TBC1D9: variants seen among roughly 807,000 people sequenced by gnomAD.
TBC1D9 encodes TBC1 domain family member 9A.
In TBC1D9, 63 loss-of-function variants were observed where a neutral mutation model predicts 132.0. The ratio of observed to expected loss-of-function variants is 0.48; its 90% CI spans 0.39 to 0.59. TBC1D9 has a LOEUF of 0.59. Among genes scored for constraint, TBC1D9 ranks in the 20% least tolerant of loss-of-function variants. The pLI, the probability that TBC1D9 is intolerant of heterozygous loss-of-function variation, is 0.00. For synonymous variants in TBC1D9, 610 were observed against 609.9 expected (o/e 1.00, Z 0.00); for missense variants, 1,261 against 1,592.7 (o/e 0.79, Z 3.54).
intron 13 of TBC1D9, chr4:140,643,111 C>G: frequency 7.1e-7 from 1 of 1,405,928 alleles, no homozygotes; most frequent in Non-Finnish European, 9.8e-7. Context: ...GCCGCAGGTT[C>G]TTGAGCGGGT....
chr4:140,668,521 G>A (rs990444822), intron 9 of TBC1D9, among the ~76,000 whole-genome samples: 1 of 152,044 alleles, frequency 6.6e-6, no homozygotes, highest in Non-Finnish European at 1.5e-5. Context: ...TTCCCCACCC[G>A]ATGACTGCTC....
intron 2 of TBC1D9, among the ~76,000 whole-genome samples, chr4:140,697,166 C>T (rs1737972811): frequency 6.6e-6 from 1 of 152,034 alleles, no homozygotes; most frequent in Admixed American, 6.6e-5. Flanking sequence ...GGCTTGAGCA[C>T]AGGAGTTTGA....
rs1164263092 is a variant in TBC1D9 at position 140,679,118 on chromosome 4, T to C, written c.675A>G (p.Thr225=). ...CAGAGAAGAAATGCTCACTGGACCG[T>C]GTGCTCACTTTGATCACATCAGGCA... ...LLLPDVIKVS[T]RSSEHFFSVF... is the part of the protein sequence containing the mutation. The change falls in exon 5 of 21, where the codon ACA becomes ACG. Residue 225 remains threonine, a synonymous_variant. Coordinates refer to ENST00000442267, the MANE Select transcript of TBC1D9 (RefSeq NM_015130.3). 2 of 1,613,870 alleles carry C rather than the reference T, an allele frequency of 1.2e-6. No individual in the cohort carries two copies. The highest frequency in any genetic ancestry group is 1.3e-5 in the African/African-American group (1 of 74,938).
chr4:140,624,582 G>T (rs547327025), intron 18 of TBC1D9, among the ~76,000 whole-genome samples, 194 bp from the exon 19 acceptor site: 75 of 152,134 alleles, frequency 4.9e-4, no homozygotes, highest in African/African-American at 1.6e-3. Flanking sequence ...AACAATTTTT[G>T]GGGGGGATAA....
Position 140,711,791 on chromosome 4 carries a change from C to T in TBC1D9, c.131-10177G>A, listed in dbSNP as rs143940143. On this transcript the variant is annotated intron_variant, in intron 1 of 20. Transcript: ENST00000442267. ...AAACTAATTACTATTCTGTATGATC[C>T]CAATTTGTCTAAAAAAGTATAATAT... Among the ~76,000 whole-genome samples the T allele has an allele frequency of 2.2e-4, 33 of 152,008 alleles. No individual in the cohort carries two copies. In the East Asian group the frequency reaches 6.2e-3, roughly 28 times the overall value.
At chr4:140,739,969 A>T (rs2111076902) in intron 1 of TBC1D9, among the ~76,000 whole-genome samples, 1 of 152,256 alleles carries the variant, frequency 6.6e-6, no homozygotes, top group Non-Finnish European at 1.5e-5. Context: ...CTTGATCTTC[A>T]CTCTAGCAAG....
intron 10 of TBC1D9, among the ~76,000 whole-genome samples, chr4:140,660,170 C>G (rs574864675): frequency 6.6e-6 from 1 of 152,286 alleles, no homozygotes; most frequent in South Asian, 2.1e-4. Flanking sequence ...GAGAGAACAA[C>G]GAAACCTTTC....
At chr4:140,676,871 A>G (rs1737632964) in intron 6 of TBC1D9, 23 bp downstream of exon 6, 7 of 1,608,450 alleles carry the variant, frequency 4.4e-6, no homozygotes, top group African/African-American at 1.3e-5. Flanking sequence ...AACTTAAAAT[A>G]TCAATTTTTA....
At position 140,679,980 on chromosome 4, in the gene TBC1D9, T is replaced by A; in HGVS notation, c.361-137A>T. The A allele has an allele frequency of 8.2e-6, 5 of 607,038 alleles. 1 individual carries two copies. The South Asian group carries it at 1.3e-4, about 16-fold the overall frequency. 37.6% of individuals were successfully genotyped at this position (607,038 alleles called of 1,614,324 possible). A position where few individuals can be genotyped will look rare whatever the true frequency, so the allele number is the denominator to read the frequency against. ...TGCCCTTCAATGGCAACCCCCAAATTCTAAGCCAATTATTGAGTAGTATTT... is the reference window on the plus strand; with the variant it reads ...TGCCCTTCAATGGCAACCCCCAAATACTAAGCCAATTATTGAGTAGTATTT... On this transcript the variant is annotated intron_variant, in intron 3 of 20. Coordinates refer to ENST00000442267, the MANE Select transcript of TBC1D9 (RefSeq NM_015130.3).
intron 15 of TBC1D9, among the ~76,000 whole-genome samples, chr4:140,634,675 T>G (rs1578815841): frequency 6.6e-6 from 1 of 152,318 alleles, no homozygotes; most frequent in East Asian, 1.9e-4. Context: ...AGCAGAATCA[T>G]GATGAGATTT....
chr4:140,732,363 C>T (rs1738606750), intron 1 of TBC1D9, among the ~76,000 whole-genome samples: 1 of 152,148 alleles, frequency 6.6e-6, no homozygotes, highest in South Asian at 2.1e-4. Flanking sequence ...AAACCAAACA[C>T]TAATGGATAT....
intron 1 of TBC1D9, chr4:140,712,432 G>T (rs1738258131): frequency 2.4e-5 from 1 of 41,074 alleles, no homozygotes. Context: ...CTCTGAATAT[G>T]CTCTTTAAAA....
At chr4:140,629,330 T>C (rs1173496137) in intron 16 of TBC1D9, among the ~76,000 whole-genome samples, 1 of 152,258 alleles carries the variant, frequency 6.6e-6, no homozygotes, top group Non-Finnish European at 1.5e-5. Context: ...CAAAATTTTA[T>C]TTATGTTCAT....
chr4:140,735,165 G>A (rs1738653247), intron 1 of TBC1D9, among the ~76,000 whole-genome samples: 2 of 152,116 alleles, frequency 1.3e-5, no homozygotes, highest in African/African-American at 2.4e-5. Context: ...TCTGTTTGAA[G>A]GACATTCCTA....
chr4:140,644,438 G>A (rs1737066505), intron 13 of TBC1D9: 4 of 297,174 alleles, frequency 1.3e-5, no homozygotes, highest in African/African-American at 2.3e-5. Flanking sequence ...TGGGGGACGC[G>A]CGGGGCGATG....
chr4:140,669,857 A>G, intron 7 of TBC1D9, 53 bp from the exon 8 acceptor site: 3 of 1,530,316 alleles, frequency 2.0e-6, no homozygotes, highest in Non-Finnish European at 2.7e-6. Flanking sequence ...AATAGAACCT[A>G]CTTCTTCAGT....
chr4:140,664,841 G>C (rs923716092), intron 9 of TBC1D9, among the ~76,000 whole-genome samples: 6 of 152,140 alleles, frequency 3.9e-5, no homozygotes, highest in African/African-American at 1.4e-4. Context: ...GGGTGCAGTG[G>C]CTCACGCCTG....
intron 18 of TBC1D9, 38 bp from the exon 19 acceptor site, chr4:140,624,426 T>C (rs766624322): frequency 1.3e-6 from 2 of 1,562,386 alleles, no homozygotes; most frequent in South Asian, 2.3e-5. Flanking sequence ...AGTAGAATGT[T>C]ATATAATATG....
chr4:140,671,075 CT>C, intron 6 of TBC1D9, 149 bp from the exon 7 acceptor site: 1 of 637,528 alleles, frequency 1.6e-6, no homozygotes, highest in South Asian at 2.0e-5. Context: ...CTCTTTGACT[CT>C]GTTCCAGTAA....
Sources: gnomAD v4.1 joint callset for allele counts (sites outside exome capture counted in the v4.1 genomes callset) on GRCh38, gnomAD v4.1.1 for gene constraint, MANE v1.5 for transcripts, NCBI Gene and HGNC (gene_info 2026-07-23, HGNC 2026-07-21) for gene names.